Variants in CDK5RAP1 observed in about 807,000 individuals in gnomAD.
CDK5RAP1 encodes the protein CDK5RAP1 mitochondrial tRNA methylthiotransferase, also known as mitochondrial tRNA methylthiotransferase CDK5RAP1.
In CDK5RAP1, 62 loss-of-function variants were observed where a neutral mutation model predicts 64.5. The ratio of observed to expected loss-of-function variants is 0.96; its 90% CI spans 0.78 to 1.19. CDK5RAP1 has a LOEUF of 1.19. CDK5RAP1 is among the 50% of genes most tolerant of loss of function. The pLI, the probability that CDK5RAP1 is intolerant of heterozygous loss-of-function variation, is 0.00. For missense variants in CDK5RAP1, 657 were observed against 735.0 expected (o/e 0.89, Z 1.23); for synonymous variants, 250 against 261.9 (o/e 0.95, Z 0.44).
In CDK5RAP1 at chr20:33,395,017, T is replaced by C. The variant is rs763099101; in HGVS notation, c.404A>G (p.Gln135Arg). The C allele has an allele frequency of 6.4e-7, 1 of 1,572,968 alleles. No individual in the cohort carries two copies. The highest frequency in any genetic ancestry group is 1.1e-5 in the South Asian group (1 of 90,218). ...KSGYLRTSNL[Q>R]EADVILLVTC... ...GGAAATAGGAAATGCATGTACCTCT[T>C]GGAGGTTACTGGTCCGCAGGTAGCC... is the stretch of plus-strand genomic sequence containing the variant. Residue 135 changes from glutamine to arginine, a missense_variant, in exon 3 of 14, where the codon CAA becomes CGA. By Grantham distance (43) the Gln-to-Arg change is conservative. Transcript: ENST00000346416.
At chr20:33,387,654 A>G in intron 5 of CDK5RAP1, 121 bp from the exon 6 acceptor site, 2 of 714,500 alleles carry the variant, frequency 2.8e-6, no homozygotes, top group Middle Eastern at 2.5e-4. Flanking sequence ...CTTCTCTAAG[A>G]ATTGAGTATC....
intron 5 of CDK5RAP1, among the ~76,000 whole-genome samples, chr20:33,391,083 G>A (rs1433585020): frequency 6.6e-6 from 1 of 151,920 alleles, no homozygotes; most frequent in Non-Finnish European, 1.5e-5. Flanking sequence ...GCAAGACCCT[G>A]TTTCTACAAA....
At chr20:33,393,859 T>G (rs956864964) in intron 4 of CDK5RAP1, among the ~76,000 whole-genome samples, 173 bp downstream of exon 4, 1 of 152,236 alleles carries the variant, frequency 6.6e-6, no homozygotes, top group African/African-American at 2.4e-5. Flanking sequence ...CCACGGTACA[T>G]GCCCAGCCAA....
At chr20:33,369,254 C>T (rs371718205) in intron 11 of CDK5RAP1, among the ~76,000 whole-genome samples, 42 of 151,994 alleles carry the variant, frequency 2.8e-4, no homozygotes, top group Non-Finnish European at 4.4e-4. Context: ...GAGGCCGAGG[C>T]GGGCAGATCA....
At position 33,366,846 on chromosome 20, in the gene CDK5RAP1, C is replaced by G; in HGVS notation, c.1542+13G>C. 6.2e-7 allele frequency: 1 copy of G among 1,606,424 alleles called. No individual in the cohort carries two copies. The highest frequency in any genetic ancestry group is 1.1e-5 in the South Asian group (1 of 89,588). On this transcript the variant is annotated intron_variant, in intron 12 of 13. Transcript: ENST00000346416. ...CATAAAAAACAACATAACACACACA[C>G]ATATGGCCTCACCCCTTCCACTAGC...
chr20:33,361,253 A>G (rs1210231237), intron 12 of CDK5RAP1, among the ~76,000 whole-genome samples: 1 of 152,208 alleles, frequency 6.6e-6, no homozygotes, highest in African/African-American at 2.4e-5. Context: ...AGCACAGCAC[A>G]GTGGTCCTCC....
chr20:33,372,484 AAAAG>A (rs1467688837), intron 10 of CDK5RAP1, among the ~76,000 whole-genome samples, 154 bp downstream of exon 10: 1 of 152,198 alleles, frequency 6.6e-6, no homozygotes, highest in East Asian at 1.9e-4. Context: ...AGAAAGACAT[AAAAG>A]AAAGAATACG....
chr20:33,397,057 G>T lies in CDK5RAP1; in HGVS notation c.8C>A (p.Pro3His). MH[P>H]LQCVLQVQRS... ...CTGCACTTGGAGGACACACTGTAAAGGGTGCATGGCACTAAACAGCCCACA... is the reference window on the plus strand; with the variant it reads ...CTGCACTTGGAGGACACACTGTAAATGGTGCATGGCACTAAACAGCCCACA... The change falls in exon 2 of 14, where the codon CCT (proline) becomes CAT (histidine). Residue 3 changes from proline to histidine, a missense_variant. Physicochemically the swap from Pro to His is moderately conservative, Grantham distance 77. Coordinates refer to ENST00000346416, the MANE Select transcript of CDK5RAP1 (RefSeq NM_016408.4). The T allele has an allele frequency of 6.2e-7, 1 of 1,608,814 alleles. No homozygotes were observed. The highest frequency in any genetic ancestry group is 8.5e-7 in the Non-Finnish European group (1 of 1,177,526).
chr20:33,360,380 C>T lies in CDK5RAP1; in HGVS notation c.1654G>A (p.Ala552Thr), dbSNP rs142084089. 1.2e-4 allele frequency: 188 copies of T among 1,614,168 alleles called. No homozygotes were observed. The African/African-American group carries it at 2.3e-3, about 20-fold the overall frequency. ...ACCAGCACATAGTCCCCAGGCTGGGCTCTGACCCTGAGCCCAGGGTTATTG... is the reference window on the plus strand; with the variant it reads ...ACCAGCACATAGTCCCCAGGCTGGGTTCTGACCCTGAGCCCAGGGTTATTG... ...DVNNPGLRVR[A>T]QPGDYVLVKI... The change falls in exon 13 of 14, where the codon GCC becomes ACC. Residue 552 changes from alanine to threonine, a missense_variant. Transcript: ENST00000346416.
chr20:33,359,760 A>G (rs1982548546), intron 13 of CDK5RAP1: 1 of 155,032 alleles, frequency 6.5e-6, no homozygotes, highest in African/African-American at 2.4e-5. Context: ...TTCTGAGGCG[A>G]AGCAGATATG....
At chr20:33,378,893 G>A (rs1447101451) in intron 8 of CDK5RAP1, among the ~76,000 whole-genome samples, 7 of 152,146 alleles carry the variant, frequency 4.6e-5, no homozygotes, top group South Asian at 4.2e-4. Context: ...CAGCCCTCAC[G>A]GTCCCGCAGG....
At chr20:33,382,464 T>C (rs929611447) in intron 7 of CDK5RAP1, among the ~76,000 whole-genome samples, 11 of 152,184 alleles carry the variant, frequency 7.2e-5, no homozygotes, top group Non-Finnish European at 1.6e-4. Flanking sequence ...GTAGATCACC[T>C]GAGGTCAGGA....
At chr20:33,385,522 A>T in intron 7 of CDK5RAP1, 128 bp downstream of exon 7, 1 of 1,022,698 alleles carries the variant, frequency 9.8e-7, no homozygotes, top group Non-Finnish European at 1.4e-6. Flanking sequence ...ACACAAAAGT[A>T]GTTCTTTCTG....
At chr20:33,378,903 G>A (rs1239918736) in intron 8 of CDK5RAP1, among the ~76,000 whole-genome samples, 1 of 152,054 alleles carries the variant, frequency 6.6e-6, no homozygotes, top group Non-Finnish European at 1.5e-5. Flanking sequence ...GGTCCCGCAG[G>A]TGGTCTTAAC....
intron 13 of CDK5RAP1, 144 bp from the exon 14 acceptor site, chr20:33,359,267 C>G: frequency 1.6e-6 from 1 of 622,724 alleles, no homozygotes; most frequent in South Asian, 1.9e-5. Context: ...CTGTGTGCCC[C>G]CGATCCTGGC....
chr20:33,382,244 A>AAT (rs1348154269), intron 7 of CDK5RAP1, among the ~76,000 whole-genome samples: 14 of 152,254 alleles, frequency 9.2e-5, no homozygotes, highest in Non-Finnish European at 1.8e-4. Flanking sequence ...AACTAAGTAA[A>AAT]ATACACACAC....
chr20:33,379,910 A>C (rs996913563), intron 7 of CDK5RAP1, among the ~76,000 whole-genome samples: 2 of 152,232 alleles, frequency 1.3e-5, no homozygotes, highest in African/African-American at 2.4e-5. Context: ...CCTTATATAA[A>C]AATTAATCTT....
At chr20:33,392,424 A>C (rs1156491963) in intron 4 of CDK5RAP1, among the ~76,000 whole-genome samples, 182 bp from the exon 5 acceptor site, 4 of 151,900 alleles carry the variant, frequency 2.6e-5, no homozygotes, top group East Asian at 1.9e-4. Context: ...ACAAATTCAT[A>C]AACTTTTGTA....
intron 5 of CDK5RAP1, among the ~76,000 whole-genome samples, chr20:33,388,894 C>T (rs574413482): frequency 2.6e-5 from 4 of 152,262 alleles, no homozygotes; most frequent in African/African-American, 7.2e-5. Context: ...CCTGAGGTGC[C>T]GGGATTGCAG....
Sources: allele counts gnomAD v4.1 joint callset (sites outside exome capture counted in the v4.1 genomes callset), GRCh38; gene constraint gnomAD v4.1.1; transcripts MANE v1.5; gene names NCBI Gene and HGNC (gene_info 2026-07-23, HGNC 2026-07-21).